Variants in RICTOR observed in about 807,000 individuals in gnomAD.
RICTOR encodes the protein RPTOR independent companion of MTOR complex 2, also known as rapamycin-insensitive companion of mTOR.
A neutral mutation model predicts 214.9 loss-of-function variants in RICTOR; 49 were observed. The ratio of observed to expected loss-of-function variants is 0.23; its 90% CI spans 0.18 to 0.29. The LOEUF is 0.29. Ranked by LOEUF, RICTOR falls within the 10% of genes least tolerant of loss-of-function variation. RICTOR has a pLI of 1.00. For synonymous variants in RICTOR, 717 were observed against 711.3 expected (o/e 1.01, Z -0.13); for missense variants, 1,625 against 2,047.0 (o/e 0.79, Z 3.98).
At chr5:39,041,125 G>C (rs1757135879) in intron 2 of RICTOR, among the ~76,000 whole-genome samples, 1 of 152,188 alleles carries the variant, frequency 6.6e-6, no homozygotes, top group South Asian at 2.1e-4. Context: ...AAGAAATACT[G>C]AGCAAGACAG....
chr5:39,009,781 T>C (rs1015772893), intron 3 of RICTOR, among the ~76,000 whole-genome samples: 1 of 152,160 alleles, frequency 6.6e-6, no homozygotes, highest in Admixed American at 6.5e-5. Context: ...GGAAAGAAGA[T>C]AGTAATAGAA....
Position 39,054,126 on chromosome 5 carries a change from C to T in RICTOR, c.97+19985G>A, listed in dbSNP as rs555423066. Among the ~76,000 whole-genome samples, 177 of 152,014 alleles carry T rather than the reference C, an allele frequency of 1.2e-3. 1 individual carries two copies. Among genetic ancestry groups the T allele is most frequent in the African/African-American group, 4.0e-3 (165 of 41,454 alleles). On this transcript the variant is annotated intron_variant, in intron 2 of 37. Coordinates refer to ENST00000357387, the MANE Select transcript of RICTOR (RefSeq NM_152756.5). ...GGTTAAAAAAAGGTTTTAATTTTAA[C>T]AACGGGCTGAAAATCTAGATGCTAA...
At chr5:39,051,759 A>G (rs1043953443) in intron 2 of RICTOR, among the ~76,000 whole-genome samples, 3 of 151,734 alleles carry the variant, frequency 2.0e-5, no homozygotes, top group Admixed American at 2.0e-4. Flanking sequence ...TCTCAAAAAA[A>G]AAAGAATGTG....
intron 2 of RICTOR, among the ~76,000 whole-genome samples, chr5:39,046,288 C>T (rs949661991): frequency 1.3e-5 from 2 of 150,806 alleles, no homozygotes; most frequent in Admixed American, 6.6e-5. Context: ...CACTTGAGCC[C>T]AGGTGATTGA....
rs1326601068 is a variant in RICTOR, at chr5:38,959,228, G to A, written c.2145C>T (p.Val715=). 6.3e-7 allele frequency: 1 copy of A among 1,599,500 alleles called. No individual in the cohort carries two copies. Among genetic ancestry groups the A allele is most frequent in the East Asian group, 2.3e-5 (1 of 44,422 alleles). Residue 715 remains valine (V), a synonymous_variant, in exon 22 of 38, where the codon GTC becomes GTT. Coordinates refer to ENST00000357387, the MANE Select transcript of RICTOR (RefSeq NM_152756.5). ...LDYSRDGLAR[V]ILSKILTAAT... ...CTGCAGTTAAAATTTTGGAAAGGAT[G>A]ACTCTAGCCAATCCATCTCTGCTAT...
At chr5:39,074,029 G>A (rs1247114957) in intron 2 of RICTOR, 82 bp downstream of exon 2, 7 of 1,048,852 alleles carry the variant, frequency 6.7e-6, no homozygotes, top group South Asian at 2.4e-5. Context: ...TGCGGGGCCC[G>A]CCCCTGCCTC....
At chr5:38,991,910 T>C (rs1271311097) in intron 6 of RICTOR, among the ~76,000 whole-genome samples, 1 of 152,152 alleles carries the variant, frequency 6.6e-6, no homozygotes, top group Non-Finnish European at 1.5e-5. Context: ...TTTGTTTGTA[T>C]AGTAATAAAA....
intron 31 of RICTOR, among the ~76,000 whole-genome samples, chr5:38,947,719 C>T (rs552012959): frequency 6.6e-6 from 1 of 152,208 alleles, no homozygotes; most frequent in Middle Eastern, 3.4e-3. Flanking sequence ...TAACTTTCAA[C>T]ATCTAGAAGT....
chr5:38,949,579 T>C (rs375878094), intron 31 of RICTOR, 133 bp downstream of exon 31: 4 of 1,032,090 alleles, frequency 3.9e-6, no homozygotes, highest in South Asian at 1.6e-5. Flanking sequence ...AAGGAGCTTA[T>C]AGCCTACCAT....
In RICTOR at chr5:39,055,885, T is replaced by C. The variant is rs190099251; in HGVS notation, c.97+18226A>G. Among the ~76,000 whole-genome samples, 11 of 152,012 alleles carry C rather than the reference T, an allele frequency of 7.2e-5. No individual in the cohort carries two copies. In the East Asian group the frequency reaches 1.9e-3, roughly 27 times the overall value. On this transcript the variant is annotated intron_variant, in intron 2 of 37. Coordinates refer to ENST00000357387, the MANE Select transcript of RICTOR (RefSeq NM_152756.5). ...CTGAATAAAGGCATGGCAACAGAAA[T>C]GGAAAAAACAGATTTGCAAGTATTT...
Position 38,947,450 on chromosome 5 carries a change from C to T in RICTOR, c.4137-9G>A. The T allele has an allele frequency of 6.3e-7, 1 of 1,587,394 alleles. No individual in the cohort carries two copies. Among genetic ancestry groups the T allele is most frequent in the Non-Finnish European group, 8.6e-7 (1 of 1,159,924 alleles). Reference sequence around the variant, plus strand: ...TTAAGGCTTTCATGAACCTATAAAACCATAAAGAAACCACTTGCATTAGTT... The same window carrying T: ...TTAAGGCTTTCATGAACCTATAAAATCATAAAGAAACCACTTGCATTAGTT... On this transcript the variant is annotated splice_polypyrimidine_tract_variant and intron_variant, in intron 31 of 37. Transcript: ENST00000357387.
chr5:39,006,954 T>TTGTACAG (rs1754128630), intron 3 of RICTOR, among the ~76,000 whole-genome samples: 1 of 152,224 alleles, frequency 6.6e-6, no homozygotes, highest in Non-Finnish European at 1.5e-5. Flanking sequence ...TTTTACTGTC[T>TTGTACAG]TGTACAGTGT....
intron 21 of RICTOR, 50 bp from the exon 22 acceptor site, chr5:38,959,371 T>G (rs1287520164): frequency 2.0e-6 from 2 of 1,018,108 alleles, no homozygotes; most frequent in South Asian, 3.4e-5. Flanking sequence ...ACTATATTGA[T>G]ACATTAATTA....
chr5:39,041,940 CAAAAAAAAAAAAAA>C, intron 2 of RICTOR, among the ~76,000 whole-genome samples: 1 of 84,624 alleles, frequency 1.2e-5, no homozygotes, highest in South Asian at 4.0e-4. Context: ...GACCCTGTTT[CAAAAAAAAAAAAAA>C]AAAAAAAAAT....
chr5:39,054,966 T>C (rs1308466164), intron 2 of RICTOR, among the ~76,000 whole-genome samples: 4 of 152,254 alleles, frequency 2.6e-5, no homozygotes, highest in Non-Finnish European at 5.9e-5. Context: ...TACTTCAGTT[T>C]CAAGTGATTC....
chr5:38,958,905 ATAGTCCTGCTAC>A, intron 22 of RICTOR, 74 bp from the exon 23 acceptor site: 1 of 1,089,182 alleles, frequency 9.2e-7, no homozygotes, highest in South Asian at 2.1e-5. Context: ...TTATTTTGGG[ATAGTCCTGCTAC>A]TTGAAAAGGG....
intron 7 of RICTOR, among the ~76,000 whole-genome samples, chr5:38,985,428 G>A (rs543151010): frequency 1.8e-3 from 278 of 152,192 alleles, no homozygotes; most frequent in African/African-American, 5.2e-3. Flanking sequence ...GATATGAAAG[G>A]CCAACTGTAT....
intron 2 of RICTOR, among the ~76,000 whole-genome samples, chr5:39,068,366 C>T (rs1279263325): frequency 1.3e-5 from 2 of 152,144 alleles, no homozygotes; most frequent in Non-Finnish European, 2.9e-5. Context: ...GGCAAACTCT[C>T]CCCAATCCTC....
rs1424490164 is a variant in RICTOR, at chr5:38,950,686, G to A, written c.3162C>T (p.Ser1054=). The change falls in exon 31 of 38, where the codon AGC becomes AGT. Residue 1054 remains serine (S), a synonymous_variant. Transcript: ENST00000357387. ...CAAGGAAAAATGTGCTAGTAGAGCTGCTGCCAAACCGGTCATCCTCCAATA... is the reference window on the plus strand; with the variant it reads ...CAAGGAAAAATGTGCTAGTAGAGCTACTGCCAAACCGGTCATCCTCCAATA... The part of the protein sequence containing the change: ...MFILEDDRFG[S]SSTSTFFLDI... The A allele has an allele frequency of 1.2e-6, 2 of 1,603,412 alleles. No individual in the cohort carries two copies. Among genetic ancestry groups the A allele is most frequent in the Non-Finnish European group, 1.7e-6 (2 of 1,175,182 alleles).
Sources: allele counts gnomAD v4.1 joint callset (sites outside exome capture counted in the v4.1 genomes callset), GRCh38; gene constraint gnomAD v4.1.1; transcripts MANE v1.5; gene names NCBI Gene and HGNC (gene_info 2026-07-23, HGNC 2026-07-21).